Variants in SLC44A1 observed in about 807,000 individuals in gnomAD.
The protein encoded by SLC44A1 is choline transporter-like protein 1.
A neutral mutation model predicts 79.3 loss-of-function variants in SLC44A1; 26 were observed. That is an observed-to-expected ratio of 0.33 (90% CI 0.24 to 0.46). The LOEUF (loss-of-function observed/expected upper bound fraction) is 0.46. Among genes scored for constraint, SLC44A1 ranks in the 20% least tolerant of loss-of-function variants. The pLI, the probability that SLC44A1 is intolerant of heterozygous loss-of-function variation, is 1.00. For synonymous variants in SLC44A1, 263 were observed against 286.2 expected (o/e 0.92, Z 0.82); for missense variants, 688 against 798.1 (o/e 0.86, Z 1.66).
At chr9:105,292,322 T>C (rs1465989108) in intron 1 of SLC44A1, among the ~76,000 whole-genome samples, 1 of 152,214 alleles carries the variant, frequency 6.6e-6, no homozygotes, top group African/African-American at 2.4e-5. Flanking sequence ...TTAGTAAATA[T>C]AACCCTACAC....
At chr9:105,372,222 G>C (rs1172888500) in intron 12 of SLC44A1, among the ~76,000 whole-genome samples, 2 of 151,106 alleles carry the variant, frequency 1.3e-5, no homozygotes, top group Non-Finnish European at 2.9e-5. Flanking sequence ...ATAATATTCT[G>C]ATGATAACAA....
chr9:105,365,681 C>G lies in SLC44A1; in HGVS notation c.1410+42C>G, dbSNP rs759151499. 3.4e-5 allele frequency: 53 copies of G among 1,563,508 alleles called. No individual in the cohort carries two copies. The Middle Eastern group carries it at 5.0e-4, about 15-fold the overall frequency. The stretch of plus-strand genomic sequence containing the variant: ...TTTCTGTACTTTCTGTGGGCACATT[C>G]CAGACCTCAGTTCTGCATGTAGTAA... On this transcript the variant is annotated intron_variant, in intron 11 of 15. Transcript: ENST00000374720.
intron 15 of SLC44A1, among the ~76,000 whole-genome samples, chr9:105,428,535 A>T (rs1236447777): frequency 1.3e-5 from 2 of 152,228 alleles, no homozygotes; most frequent in African/African-American, 2.4e-5. Flanking sequence ...CAAGTTACTT[A>T]GCCCATCTAA....
At chr9:105,264,959 G>A (rs1351556903) in intron 1 of SLC44A1, among the ~76,000 whole-genome samples, 1 of 152,014 alleles carries the variant, frequency 6.6e-6, no homozygotes, top group African/African-American at 2.4e-5. Flanking sequence ...ACCACGCCTG[G>A]CTAATTTTGT....
At chr9:105,434,453 G>T (rs1191635813) in intron 15 of SLC44A1, among the ~76,000 whole-genome samples, 7 of 152,228 alleles carry the variant, frequency 4.6e-5, no homozygotes, top group Non-Finnish European at 7.3e-5. Flanking sequence ...AGATGAATTT[G>T]AGGAAGACTC....
chr9:105,276,565 C>CATGTGTGT (rs1188770816), intron 1 of SLC44A1, among the ~76,000 whole-genome samples: 326 of 118,996 alleles, frequency 2.7e-3, no homozygotes, highest in Non-Finnish European at 4.5e-3. Context: ...GATGGGGAGC[C>CATGTGTGT]GTGTGTGTGT....
rs150572994 is a variant in SLC44A1 at position 105,404,984 on chromosome 9, T to C, written c.1950+19482T>C. Among the ~76,000 whole-genome samples, 52 of 152,272 alleles carry C rather than the reference T, an allele frequency of 3.4e-4. No homozygotes were observed. In the East Asian group the frequency reaches 7.9e-3, roughly 23 times the overall value. On this transcript the variant is annotated intron_variant, in intron 15 of 15. Transcript: ENST00000374724. ...GTGTTAGAAGCCAAGAATATAAAAG[T>C]GAACAGAACAAGCTAGAGTCTCCAC...
intron 15 of SLC44A1, among the ~76,000 whole-genome samples, chr9:105,406,892 T>A (rs1829035942): frequency 6.6e-6 from 1 of 152,002 alleles, no homozygotes; most frequent in Non-Finnish European, 1.5e-5. Context: ...AAGAGAACAA[T>A]GTTTTACCTA....
At chr9:105,427,806 G>A (rs1392010620) in intron 15 of SLC44A1, among the ~76,000 whole-genome samples, 1 of 152,112 alleles carries the variant, frequency 6.6e-6, no homozygotes, top group African/African-American at 2.4e-5. Context: ...GTCTATGAAT[G>A]TCACCATTTT....
At chr9:105,257,555 A>T (rs1795600453) in intron 1 of SLC44A1, among the ~76,000 whole-genome samples, 1 of 152,206 alleles carries the variant, frequency 6.6e-6, no homozygotes, top group South Asian at 2.1e-4. Context: ...GTGTCTAGAA[A>T]ATGAGTGCAA....
intron 10 of SLC44A1, among the ~76,000 whole-genome samples, chr9:105,365,076 T>A (rs1452599630): frequency 6.6e-6 from 1 of 152,216 alleles, no homozygotes; most frequent in East Asian, 1.9e-4. Flanking sequence ...CCGGAACAAG[T>A]GTGAGTTCCC....
At chr9:105,311,203 T>C (rs1426318193) in intron 3 of SLC44A1, among the ~76,000 whole-genome samples, 1 of 152,230 alleles carries the variant, frequency 6.6e-6, no homozygotes. Flanking sequence ...TATTTTTATT[T>C]TGAAATAACT....
intron 15 of SLC44A1, among the ~76,000 whole-genome samples, chr9:105,429,495 GT>G (rs1247916407): frequency 2.6e-5 from 4 of 152,110 alleles, no homozygotes; most frequent in African/African-American, 4.8e-5. Context: ...TAGAGACAAG[GT>G]TTTGCCATGT....
chr9:105,274,574 A>G (rs1288023567), intron 1 of SLC44A1, among the ~76,000 whole-genome samples: 2 of 152,216 alleles, frequency 1.3e-5, no homozygotes, highest in African/African-American at 4.8e-5. Flanking sequence ...GTTTCATGTC[A>G]CCTACCTATA....
intron 3 of SLC44A1, among the ~76,000 whole-genome samples, chr9:105,318,686 G>C (rs1197218351): frequency 6.6e-6 from 1 of 151,944 alleles, no homozygotes; most frequent in African/African-American, 2.4e-5. Context: ...GATAATACTT[G>C]CTGTGGAAAA....
rs1828802945 is a variant in SLC44A1 at position 105,393,108 on chromosome 9, CTG to C, written c.*4055_*4056del. 1 of 985,200 alleles carries C rather than the reference CTG, an allele frequency of 1.0e-6. No homozygotes were observed. Among genetic ancestry groups the C allele is most frequent in the Non-Finnish European group, 1.2e-6 (1 of 829,848 alleles). The allele number at this position is 985,200 out of a possible 1,614,324, so 61.0% of individuals were successfully genotyped here. A position where few individuals can be genotyped will look rare whatever the true frequency, so the allele number is the denominator to read the frequency against. Reference sequence around the variant, plus strand: ...TTGCCTAGAACTGGTAAGAAGTGGTCTGTGAATGTATATTGAAAAAATGTGGG... The same window carrying C: ...TTGCCTAGAACTGGTAAGAAGTGGTCTGAATGTATATTGAAAAAATGTGGG... On this transcript the variant is annotated 3_prime_UTR_variant, in exon 16 of 16. Coordinates refer to ENST00000374720, the MANE Select transcript of SLC44A1 (RefSeq NM_080546.5).
chr9:105,372,143 G>A (rs1233570204), intron 12 of SLC44A1, among the ~76,000 whole-genome samples: 1 of 152,184 alleles, frequency 6.6e-6, no homozygotes, highest in Non-Finnish European at 1.5e-5. Flanking sequence ...GAAACACTTA[G>A]TATGATTTCT....
chr9:105,282,917 T>A (rs1251362424), intron 1 of SLC44A1, among the ~76,000 whole-genome samples: 2 of 152,212 alleles, frequency 1.3e-5, no homozygotes, highest in Non-Finnish European at 2.9e-5. Flanking sequence ...TATATCATCT[T>A]CATATACAGC....
At chr9:105,287,813 C>A (rs1830511103) in intron 1 of SLC44A1, among the ~76,000 whole-genome samples, 1 of 152,140 alleles carries the variant, frequency 6.6e-6, no homozygotes, top group Non-Finnish European at 1.5e-5. Flanking sequence ...AAATCTTGCT[C>A]CTACCTGGGT....
Sources: gnomAD v4.1 joint callset for allele counts (sites outside exome capture counted in the v4.1 genomes callset) on GRCh38, gnomAD v4.1.1 for gene constraint, MANE v1.5 for transcripts, NCBI Gene and HGNC (gene_info 2026-07-23, HGNC 2026-07-21) for gene names.